The following CORIN variants were observed in gnomAD, a reference collection of about 807,000 sequenced individuals.
CORIN encodes the protein atrial natriuretic peptide-converting enzyme.
Under a neutral mutation model 125.3 loss-of-function variants are expected in CORIN, and 117 were observed. That is an observed-to-expected ratio of 0.93 (90% confidence interval 0.80 to 1.09). The LOEUF is 1.09. CORIN is among the 50% of genes least tolerant of loss of function. CORIN has a pLI of 0.00. For synonymous variants in CORIN, 450 were observed against 466.4 expected (o/e 0.96, Z 0.45); for missense variants, 1,253 against 1,306.7 (o/e 0.96, Z 0.63).
intron 13 of CORIN, among the ~76,000 whole-genome samples, chr4:47,649,496 C>A (rs1423318554): frequency 6.6e-6 from 1 of 152,208 alleles, no homozygotes; most frequent in African/African-American, 2.4e-5. Flanking sequence ...TTTCCACCAC[C>A]ACAGCAGGTG....
intron 5 of CORIN, among the ~76,000 whole-genome samples, chr4:47,702,805 A>G (rs1473604504): frequency 1.3e-5 from 2 of 152,214 alleles, no homozygotes; most frequent in Non-Finnish European, 2.9e-5. Context: ...GTTCTACCCT[A>G]ATGTCTAAAA....
intron 17 of CORIN, 32 bp from the exon 18 acceptor site, chr4:47,623,980 TAA>T (rs1722450699): frequency 2.5e-6 from 4 of 1,573,410 alleles, no homozygotes; most frequent in Non-Finnish European, 3.5e-6. Flanking sequence ...GGTATAACAT[TAA>T]GTTACATATT....
chr4:47,753,974 T>C (rs941061953), intron 4 of CORIN, among the ~76,000 whole-genome samples: 6 of 152,200 alleles, frequency 3.9e-5, no homozygotes, highest in Admixed American at 3.9e-4. Flanking sequence ...CTCCAGCTGG[T>C]CCCTCCATTC....
At chr4:47,761,397 G>A (rs1158665902) in intron 4 of CORIN, among the ~76,000 whole-genome samples, 1 of 152,038 alleles carries the variant, frequency 6.6e-6, no homozygotes, top group Non-Finnish European at 1.5e-5. Context: ...CCCCAGGCGA[G>A]GGAGAGAGAC....
At chr4:47,771,303 T>G (rs1185402251) in intron 3 of CORIN, among the ~76,000 whole-genome samples, 2 of 152,076 alleles carry the variant, frequency 1.3e-5, no homozygotes, top group Non-Finnish European at 2.9e-5. Context: ...AGAAGAAACA[T>G]TTTGCCAGAA....
chr4:47,791,733 G>A lies in CORIN; in HGVS notation c.209-4808C>T, dbSNP rs570192850. On this transcript the variant is annotated intron_variant, in intron 2 of 21. Transcript: ENST00000273857. The stretch of plus-strand genomic sequence containing the variant: ...TTTAAAAGTCAACCATTATGTGCTT[G>A]CAGAATTTATCTTCCTATAATGTGA... Among the ~76,000 whole-genome samples the A allele has an allele frequency of 4.6e-5, 7 of 152,216 alleles. No individual in the cohort carries two copies. In the South Asian group the frequency reaches 6.2e-4, roughly 14 times the overall value.
At chr4:47,799,109 GT>G (rs1731420418) in intron 2 of CORIN, among the ~76,000 whole-genome samples, 2 of 104,022 alleles carry the variant, frequency 1.9e-5, no homozygotes, top group African/African-American at 7.2e-5. Flanking sequence ...CCCATGGGGT[GT>G]GTGTGTGTGT....
chr4:47,760,409 C>T (rs1001250497), intron 4 of CORIN, among the ~76,000 whole-genome samples: 1 of 152,168 alleles, frequency 6.6e-6, no homozygotes, highest in Non-Finnish European at 1.5e-5. Context: ...CATGAAATGA[C>T]TGTCCTTTCT....
At chr4:47,817,505 G>C (rs1350041694) in intron 1 of CORIN, among the ~76,000 whole-genome samples, 1 of 152,110 alleles carries the variant, frequency 6.6e-6, no homozygotes, top group Non-Finnish European at 1.5e-5. Flanking sequence ...GCCTATGCCA[G>C]TTCCCAGTGT....
intron 10 of CORIN, among the ~76,000 whole-genome samples, chr4:47,667,105 A>G (rs1261630525): frequency 6.6e-6 from 1 of 152,190 alleles, no homozygotes; most frequent in African/African-American, 2.4e-5. Flanking sequence ...AATAAGTCTC[A>G]CAAAATCTGA....
chr4:47,684,916 C>A (rs1271405502), intron 6 of CORIN, among the ~76,000 whole-genome samples: 1 of 131,146 alleles, frequency 7.6e-6, no homozygotes, highest in Non-Finnish European at 1.8e-5. Flanking sequence ...GGTGAGAGGG[C>A]AGGACAAAAC....
At chr4:47,765,712 G>A (rs557962523) in intron 3 of CORIN, among the ~76,000 whole-genome samples, 1 of 152,332 alleles carries the variant, frequency 6.6e-6, no homozygotes, top group South Asian at 2.1e-4. Flanking sequence ...AATCTGATAG[G>A]TGAGAAATTA....
At chr4:47,599,764 C>T (rs1721379941) in intron 21 of CORIN, among the ~76,000 whole-genome samples, 2 of 152,168 alleles carry the variant, frequency 1.3e-5, no homozygotes, top group Non-Finnish European at 2.9e-5. Context: ...TCCTGTCTCA[C>T]ACCCTGGAAG....
intron 3 of CORIN, among the ~76,000 whole-genome samples, chr4:47,777,617 C>T (rs1190647527): frequency 2.6e-5 from 4 of 152,086 alleles, no homozygotes; most frequent in Non-Finnish European, 5.9e-5. Context: ...GGTGACAGAG[C>T]AAGACTCCGT....
chr4:47,801,744 G>A (rs1484535838), intron 2 of CORIN, among the ~76,000 whole-genome samples: 1 of 152,228 alleles, frequency 6.6e-6, no homozygotes, highest in Non-Finnish European at 1.5e-5. Context: ...TCCCAGTGGT[G>A]AGAGCTTGAG....
chr4:47,683,440 A>C (rs878936693), intron 7 of CORIN: 1 of 248,158 alleles, frequency 4.0e-6, no homozygotes, highest in Admixed American at 5.2e-5. Flanking sequence ...GAGGAGAAAC[A>C]GAACACATTT....
At chr4:47,722,698 G>A (rs1483058534) in intron 5 of CORIN, among the ~76,000 whole-genome samples, 5 of 152,138 alleles carry the variant, frequency 3.3e-5, no homozygotes, top group Admixed American at 6.5e-5. Flanking sequence ...TCTGTCTACC[G>A]AAATACGTAT....
intron 15 of CORIN, among the ~76,000 whole-genome samples, chr4:47,642,546 C>A (rs1723276229): frequency 6.6e-6 from 1 of 152,200 alleles, no homozygotes; most frequent in Non-Finnish European, 1.5e-5. Context: ...AAACGCTGCA[C>A]AATTGATCAC....
chr4:47,618,101 G>A (rs961701406), intron 19 of CORIN, among the ~76,000 whole-genome samples: 3 of 152,014 alleles, frequency 2.0e-5, no homozygotes. Flanking sequence ...TTGGGAGGCC[G>A]AGGTGGGTGG....
Sources: allele counts gnomAD v4.1 joint callset (sites outside exome capture counted in the v4.1 genomes callset), GRCh38; gene constraint gnomAD v4.1.1; transcripts MANE v1.5; gene names NCBI Gene and HGNC (gene_info 2026-07-23, HGNC 2026-07-21).